ARB2A: variants seen among roughly 807,000 people sequenced by gnomAD.
The protein encoded by ARB2A is cotranscriptional regulator ARB2A.
At chr5:93,823,538 AC>A in the ARB2A span, among the ~76,000 whole-genome samples, 1 of 152,208 alleles carries the variant, frequency 6.6e-6, no homozygotes, top group African/African-American at 2.4e-5. Context: ...GACATTTTAA[AC>A]ACTTTATAGA....
chr5:93,622,838 T>A, the ARB2A span, among the ~76,000 whole-genome samples: 2 of 152,060 alleles, frequency 1.3e-5, no homozygotes, highest in Non-Finnish European at 2.9e-5. Context: ...CAATTCTTCA[T>A]AGAATTCTTG....
At chr5:93,837,486 AT>A in the ARB2A span, among the ~76,000 whole-genome samples, 5 of 152,152 alleles carry the variant, frequency 3.3e-5, no homozygotes, top group African/African-American at 1.2e-4. Flanking sequence ...CCAAAGGAAT[AT>A]AATACATTCC....
chr5:94,032,593 T>A, the ARB2A span, among the ~76,000 whole-genome samples: 3 of 152,114 alleles, frequency 2.0e-5, no homozygotes, highest in Non-Finnish European at 4.4e-5. Context: ...AACGCCAGCC[T>A]GAGAAAGCCA....
chr5:93,634,405 A>C, the ARB2A span, among the ~76,000 whole-genome samples: 2 of 147,726 alleles, frequency 1.4e-5, no homozygotes, highest in African/African-American at 5.0e-5. Flanking sequence ...TCAAAAAAAA[A>C]CAAAAAACAA....
the ARB2A span, among the ~76,000 whole-genome samples, chr5:93,897,975 C>T: frequency 6.6e-6 from 1 of 151,822 alleles, no homozygotes; most frequent in African/African-American, 2.4e-5. Flanking sequence ...CATTGCTGTA[C>T]CATGTTCCCA....
chr5:93,686,991 C>T, the ARB2A span, among the ~76,000 whole-genome samples: 1 of 151,976 alleles, frequency 6.6e-6, no homozygotes, highest in Non-Finnish European at 1.5e-5. Flanking sequence ...AAAACGTTGG[C>T]TTAGAAAAAA....
the ARB2A span, among the ~76,000 whole-genome samples, chr5:94,100,875 G>A: frequency 6.6e-5 from 10 of 152,064 alleles, no homozygotes; most frequent in Non-Finnish European, 1.5e-4. Flanking sequence ...ACCTAGGAAC[G>A]GGCAAAGAAT....
chr5:93,627,438 G>GTTTGTT, the ARB2A span, among the ~76,000 whole-genome samples: 15 of 108,072 alleles, frequency 1.4e-4, 1 homozygote, highest in African/African-American at 3.2e-4. Flanking sequence ...TACAAAATGT[G>GTTTGTT]TTTTGTTTTT....
the ARB2A span, among the ~76,000 whole-genome samples, chr5:93,690,926 T>G: frequency 1.3e-5 from 2 of 151,786 alleles, no homozygotes; most frequent in Non-Finnish European, 2.9e-5. Flanking sequence ...TCCAGCAAAC[T>G]CCAGCAGACC....
At chr5:93,953,455 A>G in the ARB2A span, among the ~76,000 whole-genome samples, 2 of 152,024 alleles carry the variant, frequency 1.3e-5, no homozygotes, top group Non-Finnish European at 2.9e-5. Flanking sequence ...GATCTGGAAG[A>G]ATTCTCTGGA....
At chr5:93,889,423 A>G in the ARB2A span, among the ~76,000 whole-genome samples, 1 of 151,872 alleles carries the variant, frequency 6.6e-6, no homozygotes, top group Non-Finnish European at 1.5e-5. Context: ...CTCTTCCCAC[A>G]ATGACCTATG....
the ARB2A span, among the ~76,000 whole-genome samples, chr5:93,918,660 G>A: frequency 2.0e-5 from 3 of 151,966 alleles, no homozygotes; most frequent in African/African-American, 4.8e-5. Context: ...GACCTTGGGC[G>A]ATCTGCCCGT....
At chr5:93,740,279 C>A in the ARB2A span, 2 of 277,768 alleles carry the variant, frequency 7.2e-6, no homozygotes, top group Non-Finnish European at 1.3e-5. Flanking sequence ...ATAACAGACA[C>A]AATATTTAAT....
At chr5:94,074,836 G>C in the ARB2A span, 1 of 1,020,570 alleles carries the variant, frequency 9.8e-7, no homozygotes, top group East Asian at 2.5e-5. Context: ...GAACTTCCTT[G>C]ATCCTCCCAG....
chr5:93,980,600 GCT>G, the ARB2A span, among the ~76,000 whole-genome samples: 1 of 151,940 alleles, frequency 6.6e-6, no homozygotes, highest in Non-Finnish European at 1.5e-5. Flanking sequence ...CCTGTTATAA[GCT>G]CTTTTTCATA....
the ARB2A span, among the ~76,000 whole-genome samples, chr5:93,663,358 C>A: frequency 6.6e-6 from 1 of 152,218 alleles, no homozygotes; most frequent in Admixed American, 6.5e-5. Context: ...TGAGCTTTAA[C>A]ATTCCCCTTC....
the ARB2A span, among the ~76,000 whole-genome samples, chr5:93,936,445 G>C: frequency 6.6e-6 from 1 of 152,112 alleles, no homozygotes; most frequent in African/African-American, 2.4e-5. Flanking sequence ...TGCTCAGTAA[G>C]GGATAAGGAT....
the ARB2A span, among the ~76,000 whole-genome samples, chr5:93,842,154 G>T: frequency 1.3e-5 from 2 of 152,216 alleles, no homozygotes; most frequent in African/African-American, 2.4e-5. Context: ...GTCAGGAAAT[G>T]GGAGGAAGAC....
At chr5:93,961,933 C>G in the ARB2A span, among the ~76,000 whole-genome samples, 8 of 152,178 alleles carry the variant, frequency 5.3e-5, no homozygotes, top group South Asian at 1.7e-3. Flanking sequence ...TAATATTCAC[C>G]TCAGTTTACA....
Sources: gnomAD v4.1 joint callset for allele counts (sites outside exome capture counted in the v4.1 genomes callset) on GRCh38, gnomAD v4.1.1 for gene constraint, MANE v1.5 for transcripts, NCBI Gene and HGNC (gene_info 2026-07-23, HGNC 2026-07-21) for gene names.